EXPH5: variants seen among roughly 807,000 people sequenced by gnomAD.
EXPH5 encodes exophilin 5, also known as exophilin-5.
In EXPH5, 42 loss-of-function variants were observed where a neutral mutation model predicts 41.1. That is an observed-to-expected ratio of 1.02 (90% CI 0.80 to 1.32). The LOEUF (loss-of-function observed/expected upper bound fraction) is 1.32, where lower values mean the gene tolerates loss of function less well. Among genes scored for constraint, EXPH5 ranks in the 40% most tolerant of loss-of-function variants. The pLI is 0.00. For synonymous variants in EXPH5, 798 were observed against 833.5 expected (o/e 0.96, Z 0.73); for missense variants, 2,298 against 2,314.5 (o/e 0.99, Z 0.15).
intron 1 of EXPH5, among the ~76,000 whole-genome samples, chr11:108,553,201 A>T (rs1218944299): frequency 6.6e-6 from 1 of 152,320 alleles, no homozygotes; most frequent in East Asian, 1.9e-4. Context: ...TCTATCTAAA[A>T]AAAATAAAAT....
At chr11:108,576,626 A>G (rs1189864725) in intron 1 of EXPH5, among the ~76,000 whole-genome samples, 1 of 152,178 alleles carries the variant, frequency 6.6e-6, no homozygotes, top group Non-Finnish European at 1.5e-5. Context: ...GTAGTTGCAC[A>G]TATTTATGGG....
chr11:108,570,835 C>T (rs949284), intron 1 of EXPH5, among the ~76,000 whole-genome samples: 79,447 of 152,030 alleles, frequency 0.52, 21,162 homozygotes, highest in African/African-American at 0.61. Context: ...CATGAGCCAC[C>T]AAAAAGTATT....
the EXPH5 span, among the ~76,000 whole-genome samples, chr11:108,606,752 A>G: frequency 6.6e-6 from 1 of 152,128 alleles, no homozygotes; most frequent in South Asian, 2.1e-4. Context: ...CAGAGCACCT[A>G]GAACTCTTTA....
At chr11:108,588,307 T>C (rs1307935368) in intron 1 of EXPH5, among the ~76,000 whole-genome samples, 1 of 152,250 alleles carries the variant, frequency 6.6e-6, no homozygotes, top group East Asian at 1.9e-4. Context: ...AGCATTTGAC[T>C]ACATAGAATT....
intron 1 of EXPH5, among the ~76,000 whole-genome samples, chr11:108,585,635 G>T (rs1336739617): frequency 2.0e-5 from 3 of 152,198 alleles, no homozygotes; most frequent in Non-Finnish European, 4.4e-5. Context: ...GAATGACAAA[G>T]ACAGAGATTG....
chr11:108,570,115 C>T (rs1209510490), intron 1 of EXPH5, among the ~76,000 whole-genome samples: 12 of 152,128 alleles, frequency 7.9e-5, no homozygotes, highest in Non-Finnish European at 1.5e-4. Context: ...CTGAAATGGC[C>T]CAGGCCCCTG....
Position 108,509,801 on chromosome 11 carries a change from C to A in EXPH5, c.5706G>T (p.Lys1902Asn). The A allele has an allele frequency of 6.2e-7, 1 of 1,613,414 alleles. No individual in the cohort carries two copies. The highest frequency in any genetic ancestry group is 8.5e-7 in the Non-Finnish European group (1 of 1,179,806). Reference protein sequence around the residue: ...EQQLAFLENVKRSLTQGRLWK... With the variant: ...EQQLAFLENVNRSLTQGRLWK... Reference sequence around the variant, plus strand: ...ATAATCTTCCTTGTGTAAGTGACCTCTTTACATTTTCTAAGAAAGCTAACT... The same window carrying A: ...ATAATCTTCCTTGTGTAAGTGACCTATTTACATTTTCTAAGAAAGCTAACT... The change falls in exon 6 of 6, where the codon AAG becomes AAT. Residue 1902 changes from lysine to asparagine, a missense_variant. Coordinates refer to ENST00000265843, the MANE Select transcript of EXPH5 (RefSeq NM_015065.3).
chr11:108,575,181 A>G (rs538586674), intron 1 of EXPH5, among the ~76,000 whole-genome samples: 1 of 152,356 alleles, frequency 6.6e-6, no homozygotes, highest in East Asian at 1.9e-4. Context: ...TAATCACAGC[A>G]TTAGAAATTA....
intron 3 of EXPH5, among the ~76,000 whole-genome samples, chr11:108,530,254 C>T (rs928971171): frequency 1.3e-5 from 2 of 152,086 alleles, no homozygotes; most frequent in Non-Finnish European, 2.9e-5. Flanking sequence ...CTGTTTTCCT[C>T]CTACACTCTA....
At chr11:108,562,086 C>T (rs1054565015) in intron 1 of EXPH5, among the ~76,000 whole-genome samples, 12 of 152,144 alleles carry the variant, frequency 7.9e-5, no homozygotes, top group African/African-American at 9.7e-5. Flanking sequence ...AAGTGCCACC[C>T]ATCCCTTGAG....
Position 108,513,372 on chromosome 11 carries a change from TTGTC to T in EXPH5, c.2131_2134del (p.Asp711AsnfsTer3). The T allele has an allele frequency of 6.2e-7, 1 of 1,614,142 alleles. No individual in the cohort carries two copies. The stretch of plus-strand genomic sequence containing the variant: ...TGTCTGGTCCATCTTGCTTAGCTGT[TTGTC>T]TTCTTCTGAAATAGATTCATTTAAG... On this transcript the variant is annotated frameshift_variant, in exon 6 of 6. Transcript: ENST00000265843. LOFTEE classifies it low-confidence loss of function (END_TRUNC).
intron 1 of EXPH5, among the ~76,000 whole-genome samples, chr11:108,590,177 A>G (rs1298196937): frequency 3.3e-5 from 5 of 152,168 alleles, no homozygotes; most frequent in Non-Finnish European, 7.3e-5. Context: ...CGTCACTAAC[A>G]ATGTGCAAAA....
intron 1 of EXPH5, among the ~76,000 whole-genome samples, chr11:108,580,025 G>A (rs904180343): frequency 7.9e-5 from 12 of 152,120 alleles, no homozygotes; most frequent in African/African-American, 2.9e-4. Context: ...CAAAAACATA[G>A]GCAACAAAAG....
the EXPH5 span, among the ~76,000 whole-genome samples, chr11:108,600,582 C>T: frequency 6.6e-6 from 1 of 152,056 alleles, no homozygotes; most frequent in African/African-American, 2.4e-5. Context: ...ATTATCAGGA[C>T]CTACTAGTGT....
Position 108,509,988 on chromosome 11 carries a change from G to A in EXPH5, c.5519C>T (p.Ser1840Phe). ...TCTTCGACTGTACCCATTGTTGACA[G>A]AGAATTCATTCCCAAGGGTCAGTCG... ...LSRLTLGNEF[S>F]VNNGYSRRFR... Residue 1840 changes from serine (S) to phenylalanine (F), a missense_variant, in exon 6 of 6, where the codon TCT (serine) becomes TTT (phenylalanine). Physicochemically the swap from Ser to Phe is radical, Grantham distance 155 (BLOSUM62 -2). Transcript: ENST00000265843. 6.2e-7 allele frequency: 1 copy of A among 1,613,904 alleles called. No homozygotes were observed. Among genetic ancestry groups the A allele is most frequent in the Non-Finnish European group, 8.5e-7 (1 of 1,179,918 alleles).
At chr11:108,587,682 G>A (rs1041331764) in intron 1 of EXPH5, among the ~76,000 whole-genome samples, 93 of 152,172 alleles carry the variant, frequency 6.1e-4, no homozygotes, top group Middle Eastern at 6.8e-3. Context: ...CCTTCGTAAC[G>A]GACATTTATG....
chr11:108,577,715 G>A lies in EXPH5; in HGVS notation c.119+15703C>T, dbSNP rs148055446. ...TGGGATTACAGGCGTGAGCCACTGCGCCTGGCCAGATAATAGCCATTTTAA... is the reference window on the plus strand; with the variant it reads ...TGGGATTACAGGCGTGAGCCACTGCACCTGGCCAGATAATAGCCATTTTAA... On this transcript the variant is annotated intron_variant, in intron 1 of 5. Transcript: ENST00000265843. Among the ~76,000 whole-genome samples the A allele has an allele frequency of 5.9e-3, 904 of 152,060 alleles. 9 individuals carry two copies. Among genetic ancestry groups the A allele is most frequent in the African/African-American group, 0.02 (849 of 41,484 alleles).
intron 1 of EXPH5, among the ~76,000 whole-genome samples, chr11:108,545,559 T>A (rs1380733407): frequency 1.3e-5 from 2 of 152,020 alleles, no homozygotes; most frequent in Non-Finnish European, 2.9e-5. Flanking sequence ...CCTGCCTTCA[T>A]GGGATTTAAA....
chr11:108,580,404 T>A (rs1358957194), intron 1 of EXPH5, among the ~76,000 whole-genome samples: 2 of 151,448 alleles, frequency 1.3e-5, no homozygotes, highest in East Asian at 1.9e-4. Context: ...AAAAAAAAAA[T>A]AACAAATGCT....
Sources: allele counts gnomAD v4.1 joint callset (sites outside exome capture counted in the v4.1 genomes callset), GRCh38; gene constraint gnomAD v4.1.1; transcripts MANE v1.5; gene names NCBI Gene and HGNC (gene_info 2026-07-23, HGNC 2026-07-21).